Variants in CNTN3 observed in about 807,000 individuals in gnomAD.
CNTN3 encodes contactin 3, also known as contactin-3.
CNTN3 carries 60 observed loss-of-function variants against 119.1 expected under a neutral mutation model. That is an observed-to-expected ratio of 0.50 (90% CI 0.41 to 0.62). The LOEUF (loss-of-function observed/expected upper bound fraction) is 0.62, where lower values mean the gene tolerates loss of function less well. Ranked by LOEUF, CNTN3 falls within the 20% of genes least tolerant of loss-of-function variation. The probability of loss-of-function intolerance (pLI) is 0.00; values close to 1 mark genes in which losing one functional copy is unlikely to be tolerated. For missense variants in CNTN3, 1,101 were observed against 1,242.4 expected (o/e 0.89, Z 1.71); for synonymous variants, 450 against 438.7 (o/e 1.03, Z -0.32).
At chr3:74,593,106 T>C (rs1704732880) in intron 1 of CNTN3, among the ~76,000 whole-genome samples, 1 of 152,016 alleles carries the variant, frequency 6.6e-6, no homozygotes, top group South Asian at 2.1e-4. Flanking sequence ...CAATGCTGAC[T>C]AGCAAATTAA....
chr3:74,608,281 G>A (rs1705025464), intron 1 of CNTN3, among the ~76,000 whole-genome samples: 1 of 152,100 alleles, frequency 6.6e-6, no homozygotes, highest in African/African-American at 2.4e-5. Flanking sequence ...TATGACAGGG[G>A]CTTCCTCTTT....
rs1207378618 is a variant in CNTN3, at chr3:74,285,359, T to C, written c.2650A>G (p.Ser884Gly). Residue 884 changes from serine (S) to glycine (G), a missense_variant, in exon 20 of 23, where the codon AGT becomes GGT. Transcript: ENST00000263665. ...GCGCTAAAAGGCCCAGCGCCGGCAC[T>C]GTTGTAAGCCCGGACAGCCGTGTAA... The part of the protein sequence containing the change: ...AYYTAVRAYN[S>G]AGAGPFSATV... 1.9e-6 allele frequency: 3 copies of C among 1,613,480 alleles called. No homozygotes were observed. The African/African-American group carries it at 4.0e-5, about 22-fold the overall frequency.
At chr3:74,352,947 G>A (rs1445459816) in intron 11 of CNTN3, among the ~76,000 whole-genome samples, 2 of 146,686 alleles carry the variant, frequency 1.4e-5, no homozygotes, top group Non-Finnish European at 2.9e-5. Context: ...CACGGATGTA[G>A]AAGAAGATTA....
chr3:74,312,635 G>A (rs1702719616), intron 13 of CNTN3, among the ~76,000 whole-genome samples: 1 of 151,804 alleles, frequency 6.6e-6, no homozygotes, highest in African/African-American at 2.4e-5. Context: ...ACAGTCTAGG[G>A]GCATAAGTTC....
At chr3:74,505,901 T>C (rs923052917) in intron 2 of CNTN3, among the ~76,000 whole-genome samples, 1 of 152,004 alleles carries the variant, frequency 6.6e-6, no homozygotes, top group Admixed American at 6.6e-5. Context: ...AATTGAGAAA[T>C]TAATAGTTCA....
chr3:74,520,323 C>T (rs559318607), intron 2 of CNTN3, among the ~76,000 whole-genome samples: 3 of 151,212 alleles, frequency 2.0e-5, no homozygotes, highest in African/African-American at 7.2e-5. Flanking sequence ...CTCAATAATA[C>T]CTACAGATGT....
chr3:74,545,415 G>C (rs535857676), intron 1 of CNTN3, among the ~76,000 whole-genome samples: 6 of 152,224 alleles, frequency 3.9e-5, no homozygotes, highest in Admixed American at 1.3e-4. Flanking sequence ...CACACTCCTT[G>C]ATATTTCCAT....
intron 8 of CNTN3, among the ~76,000 whole-genome samples, chr3:74,366,612 C>G (rs1002606068): frequency 6.6e-6 from 1 of 151,558 alleles, no homozygotes; most frequent in African/African-American, 2.4e-5. Flanking sequence ...TTATCTATTT[C>G]TATTTAACTG....
intron 10 of CNTN3, among the ~76,000 whole-genome samples, chr3:74,364,156 A>G (rs926352318): frequency 6.6e-6 from 1 of 152,092 alleles, no homozygotes; most frequent in Non-Finnish European, 1.5e-5. Context: ...GGAACACCAA[A>G]ATCACTTATT....
intron 1 of CNTN3, among the ~76,000 whole-genome samples, chr3:74,573,994 C>A (rs12496839): frequency 0.33 from 49,926 of 151,864 alleles, 8,893 homozygotes; most frequent in East Asian, 0.56. Flanking sequence ...AAAAAGTACA[C>A]AAATATTGAG....
At chr3:74,463,449 C>T (rs1702407791) in intron 4 of CNTN3, among the ~76,000 whole-genome samples, 3 of 152,106 alleles carry the variant, frequency 2.0e-5, no homozygotes, top group Admixed American at 6.6e-5. Context: ...CCTATCCCTG[C>T]CTCCTGCTGT....
intron 5 of CNTN3, among the ~76,000 whole-genome samples, chr3:74,382,086 T>C (rs1247892189): frequency 6.6e-6 from 1 of 151,924 alleles, no homozygotes; most frequent in Non-Finnish European, 1.5e-5. Context: ...CACACGCCTG[T>C]AATCCCAGCT....
chr3:74,369,652 C>A (rs545759556), intron 7 of CNTN3, among the ~76,000 whole-genome samples: 144 of 148,884 alleles, frequency 9.7e-4, no homozygotes, highest in Admixed American at 3.5e-3. Context: ...AAAAAAAAAA[C>A]CCACCAATTT....
chr3:74,319,219 C>G (rs1702917493), intron 13 of CNTN3, among the ~76,000 whole-genome samples: 1 of 152,094 alleles, frequency 6.6e-6, no homozygotes, highest in African/African-American at 2.4e-5. Context: ...TCAATCCTAA[C>G]CCAAAAGAAC....
intron 1 of CNTN3, among the ~76,000 whole-genome samples, chr3:74,602,152 G>C (rs1400033396): frequency 6.6e-6 from 1 of 151,644 alleles, no homozygotes; most frequent in Non-Finnish European, 1.5e-5. Context: ...AGCCAGGCAC[G>C]GTGGTGCATG....
intron 1 of CNTN3, among the ~76,000 whole-genome samples, chr3:74,576,532 G>A (rs950652605): frequency 3.9e-5 from 6 of 152,054 alleles, no homozygotes; most frequent in African/African-American, 1.4e-4. Flanking sequence ...AATAAGACTT[G>A]AAATTACATT....
At chr3:74,545,039 G>T (rs560332034) in intron 1 of CNTN3, among the ~76,000 whole-genome samples, 3 of 152,308 alleles carry the variant, frequency 2.0e-5, no homozygotes, top group Admixed American at 2.0e-4. Context: ...AGGGATGGTT[G>T]TTGGAGTTCA....
chr3:74,461,645 C>A (rs1231293987), intron 4 of CNTN3, among the ~76,000 whole-genome samples: 1 of 152,000 alleles, frequency 6.6e-6, no homozygotes, highest in Non-Finnish European at 1.5e-5. Flanking sequence ...GTAAAATCTG[C>A]AATTTTATTT....
intron 5 of CNTN3, among the ~76,000 whole-genome samples, chr3:74,409,463 T>C (rs530350158): frequency 2.6e-5 from 2 of 78,292 alleles, no homozygotes; most frequent in South Asian, 6.8e-4. Flanking sequence ...GCCTGATCCA[T>C]GAATCATTTC....
Sources: allele counts gnomAD v4.1 joint callset (sites outside exome capture counted in the v4.1 genomes callset), GRCh38; gene constraint gnomAD v4.1.1; transcripts MANE v1.5; gene names NCBI Gene and HGNC (gene_info 2026-07-23, HGNC 2026-07-21).